Variants in DCLK1 observed in about 807,000 individuals in gnomAD.
The protein encoded by DCLK1 is serine/threonine-protein kinase DCLK1.
Under a neutral mutation model 86.2 loss-of-function variants are expected in DCLK1, and 16 were observed. The ratio of observed to expected loss-of-function variants is 0.19; its 90% CI spans 0.13 to 0.28. The LOEUF (loss-of-function observed/expected upper bound fraction) is 0.28. Among genes scored for constraint, DCLK1 ranks in the 10% least tolerant of loss-of-function variants. The pLI, the probability that DCLK1 is intolerant of heterozygous loss-of-function variation, is 1.00. For missense variants in DCLK1, 590 were observed against 940.2 expected (o/e 0.63, Z 4.87); for synonymous variants, 369 against 370.5 (o/e 1.00, Z 0.05).
chr13:35,802,758 T>TA (rs993663628), intron 15 of DCLK1, among the ~76,000 whole-genome samples: 18 of 151,970 alleles, frequency 1.2e-4, no homozygotes, highest in African/African-American at 3.4e-4. Context: ...TAAGCATCAT[T>TA]AAAAAAAAGT....
intron 4 of DCLK1, among the ~76,000 whole-genome samples, chr13:35,889,468 AC>A (rs1435473979): frequency 2.6e-5 from 4 of 152,044 alleles, no homozygotes; most frequent in Non-Finnish European, 5.9e-5. Context: ...CTGGACAACC[AC>A]TTTTTAAAGT....
Position 35,827,749 on chromosome 13 carries a change from G to C in DCLK1, c.1293C>G (p.His431Gln). The C allele has an allele frequency of 6.2e-7, 1 of 1,613,576 alleles. No individual in the cohort carries two copies. Among genetic ancestry groups the C allele is most frequent in the Non-Finnish European group, 8.5e-7 (1 of 1,179,956 alleles). The change falls in exon 10 of 17, where the codon CAC (histidine) becomes CAG (glutamine). Residue 431 changes from histidine to glutamine, a missense_variant. Transcript: ENST00000360631. ...AAATAGACACTTCATTCTGGATCAT[G>C]TGCTCCTGTCCAAAGGAAAAGTTAT... ...IKKSKCRGKE[H>Q]MIQNEVSILR...
chr13:35,826,819 C>A (rs879343972), intron 10 of DCLK1, among the ~76,000 whole-genome samples: 4 of 152,006 alleles, frequency 2.6e-5, no homozygotes, highest in African/African-American at 9.7e-5. Context: ...GAGCCTGAGG[C>A]GCCCCCTGGC....
intron 3 of DCLK1, among the ~76,000 whole-genome samples, chr13:35,970,350 A>AT (rs1879005674): frequency 6.6e-6 from 1 of 152,152 alleles, no homozygotes; most frequent in African/African-American, 2.4e-5. Context: ...GAATGGTAGG[A>AT]TTTTTCTAGC....
At chr13:36,008,055 A>T (rs902389212) in intron 3 of DCLK1, among the ~76,000 whole-genome samples, 1 of 151,062 alleles carries the variant, frequency 6.6e-6, no homozygotes, top group African/African-American at 2.4e-5. Flanking sequence ...TATATTTCCA[A>T]TTATACCTAA....
chr13:36,131,496 G>A (rs928024627), upstream of DCLK1, among the ~76,000 whole-genome samples: 2 of 151,988 alleles, frequency 1.3e-5, no homozygotes, highest in African/African-American at 4.8e-5. Context: ...GCCCTTCTTG[G>A]CAGGGCGCAC....
chr13:35,877,519 C>T (rs1224229352), intron 4 of DCLK1, among the ~76,000 whole-genome samples: 3 of 152,192 alleles, frequency 2.0e-5, no homozygotes, highest in African/African-American at 7.2e-5. Flanking sequence ...TCTAGACAGC[C>T]TTGGTGACAT....
chr13:35,991,203 G>C (rs569244433), intron 3 of DCLK1, among the ~76,000 whole-genome samples: 1 of 152,116 alleles, frequency 6.6e-6, no homozygotes, highest in Non-Finnish European at 1.5e-5. Flanking sequence ...AGAAGAACCT[G>C]AACAAACAGG....
chr13:35,888,094 C>T (rs1873405454), intron 4 of DCLK1, among the ~76,000 whole-genome samples: 1 of 151,938 alleles, frequency 6.6e-6, no homozygotes. Flanking sequence ...TCTATGTGTC[C>T]TACTCTGAAA....
At chr13:35,867,567 C>G (rs1384711475) in intron 5 of DCLK1, among the ~76,000 whole-genome samples, 2 of 152,032 alleles carry the variant, frequency 1.3e-5, no homozygotes, top group African/African-American at 4.8e-5. Flanking sequence ...GGCAATGTGT[C>G]CTACCCATTT....
intron 1 of DCLK1, among the ~76,000 whole-genome samples, chr13:36,127,593 T>C (rs956061865): frequency 3.9e-5 from 6 of 152,240 alleles, no homozygotes; most frequent in African/African-American, 9.6e-5. Context: ...GTTCTTATCA[T>C]AGTGTCTGAC....
At chr13:36,079,299 G>C (rs904020793) in intron 3 of DCLK1, among the ~76,000 whole-genome samples, 2 of 152,176 alleles carry the variant, frequency 1.3e-5, no homozygotes, top group African/African-American at 4.8e-5. Context: ...GAAGCCTTGA[G>C]AATTTAATGA....
chr13:35,984,997 T>C (rs1371141816), intron 3 of DCLK1, among the ~76,000 whole-genome samples: 1 of 151,924 alleles, frequency 6.6e-6, no homozygotes, highest in Non-Finnish European at 1.5e-5. Flanking sequence ...GTGCCTCCCG[T>C]CACCATGGAA....
intron 3 of DCLK1, among the ~76,000 whole-genome samples, chr13:36,083,479 C>T (rs1884489483): frequency 6.6e-6 from 1 of 152,118 alleles, no homozygotes; most frequent in Non-Finnish European, 1.5e-5. Flanking sequence ...ATTTAAATGG[C>T]TATAAGAAAA....
chr13:36,043,387 C>A (rs9315380), intron 3 of DCLK1, among the ~76,000 whole-genome samples: 99,131 of 151,570 alleles, frequency 0.65, 32,813 homozygotes, highest in East Asian at 0.99. Context: ...AAAATTAAGA[C>A]ATAGAAAATA....
intron 4 of DCLK1, among the ~76,000 whole-genome samples, chr13:35,901,718 C>T (rs567832204): frequency 1.9e-3 from 284 of 152,076 alleles, no homozygotes; most frequent in Middle Eastern, 6.8e-3. Context: ...CTCCTCAGGC[C>T]CCACCAGCTG....
intron 3 of DCLK1, among the ~76,000 whole-genome samples, chr13:36,094,143 C>A (rs572755222): frequency 7.7e-4 from 117 of 152,158 alleles, no homozygotes; most frequent in Non-Finnish European, 1.5e-3. Flanking sequence ...AAAAATCTGC[C>A]TTTTTTGACC....
At chr13:35,887,263 GA>G (rs1461225551) in intron 4 of DCLK1, among the ~76,000 whole-genome samples, 1 of 152,214 alleles carries the variant, frequency 6.6e-6, no homozygotes, top group Non-Finnish European at 1.5e-5. Flanking sequence ...TAGAACACCT[GA>G]AAATGTCTGA....
At chr13:35,802,425 T>C (rs1051554774) in intron 15 of DCLK1, among the ~76,000 whole-genome samples, 5 of 152,082 alleles carry the variant, frequency 3.3e-5, no homozygotes, top group Admixed American at 6.5e-5. Context: ...ACATGTCAAA[T>C]TCAGATTGTC....
Sources: allele counts gnomAD v4.1 joint callset (sites outside exome capture counted in the v4.1 genomes callset), GRCh38; gene constraint gnomAD v4.1.1; transcripts MANE v1.5; gene names NCBI Gene and HGNC (gene_info 2026-07-23, HGNC 2026-07-21).